The following LRRFIP1 variants were observed in gnomAD, a reference collection of about 807,000 sequenced individuals.
LRRFIP1 encodes LRR binding FLII interacting protein 1.
In LRRFIP1, 62 loss-of-function variants were observed where a neutral mutation model predicts 104.4. That is an observed-to-expected ratio of 0.59 (90% CI 0.48 to 0.73). The LOEUF is 0.73. Ranked by LOEUF, LRRFIP1 falls within the 30% of genes least tolerant of loss-of-function variation. The pLI is 0.00. For missense variants in LRRFIP1, 796 were observed against 824.5 expected (o/e 0.97, Z 0.42); for synonymous variants, 300 against 299.0 (o/e 1.00, Z -0.03).
Position 237,781,094 on chromosome 2 carries a change from C to G in LRRFIP1, c.*1562C>G, listed in dbSNP as rs1438014445. ...CCTCAGGGACCCTGTGCTGACCATG[C>G]TGGGCCCACCGGCAAAAGGGAGATA... On this transcript the variant is annotated 3_prime_UTR_variant, in exon 24 of 24. Transcript: ENST00000308482. Among the ~76,000 whole-genome samples the G allele has an allele frequency of 1.3e-5, 2 of 152,096 alleles. No individual in the cohort carries two copies. The highest frequency in any genetic ancestry group is 4.8e-5 in the African/African-American group (2 of 41,322).
At chr2:237,706,881 C>T (rs758185996) in intron 1 of LRRFIP1, among the ~76,000 whole-genome samples, 12 of 152,202 alleles carry the variant, frequency 7.9e-5, no homozygotes, top group Non-Finnish European at 1.0e-4. Context: ...TACCTGCCAC[C>T]GCCTTCCAAA....
At chr2:237,637,860 T>G (rs544214501) in intron 1 of LRRFIP1, among the ~76,000 whole-genome samples, 1 of 152,204 alleles carries the variant, frequency 6.6e-6, no homozygotes, top group Non-Finnish European at 1.5e-5. Context: ...TCATTTTTAT[T>G]TTTCACTTTC....
chr2:237,702,654 CCTT>C (rs1477055520), intron 1 of LRRFIP1, among the ~76,000 whole-genome samples: 1 of 152,176 alleles, frequency 6.6e-6, no homozygotes, highest in Non-Finnish European at 1.5e-5. Flanking sequence ...CCATTTCCTT[CCTT>C]CTTTTCTTTC....
rs192850629 is a variant in LRRFIP1, at chr2:237,757,463, G to C, written c.1139G>C (p.Arg380Pro). 15 of 1,588,090 alleles carry C rather than the reference G, an allele frequency of 9.4e-6. No homozygotes were observed. The African/African-American group carries it at 1.1e-4, about 11-fold the overall frequency. Residue 380 changes from arginine (R) to proline (P), a missense_variant, in exon 17 of 24, where the codon CGA (arginine) becomes CCA (proline). Transcript: ENST00000308482. ...GTCTGTTCCTTTCCTCAGGAAATCCGACAGCTACAGCAGAAACAGGCGAGT... is the reference window on the plus strand; with the variant it reads ...GTCTGTTCCTTTCCTCAGGAAATCCCACAGCTACAGCAGAAACAGGCGAGT... ...KQREEMLEEI[R>P]QLQQKQASSI...
intron 8 of LRRFIP1, among the ~76,000 whole-genome samples, chr2:237,732,823 T>A (rs2095070291): frequency 6.6e-6 from 1 of 152,222 alleles, no homozygotes; most frequent in Non-Finnish European, 1.5e-5. Flanking sequence ...CTAATCTGCC[T>A]CCTTGGTCCC....
chr2:237,659,255 G>A (rs997662459), intron 1 of LRRFIP1, among the ~76,000 whole-genome samples: 1 of 151,718 alleles, frequency 6.6e-6, no homozygotes, highest in South Asian at 2.1e-4. Flanking sequence ...CACTACACTC[G>A]GCAAATTTTT....
intron 18 of LRRFIP1, 63 bp downstream of exon 18, chr2:237,758,884 A>G: frequency 1.7e-6 from 2 of 1,168,188 alleles, no homozygotes; most frequent in Non-Finnish European, 2.5e-6. Context: ...GACAACAGCA[A>G]ATTTTGGGAT....
chr2:237,764,988 G>A (rs113468735), intron 19 of LRRFIP1: 159 of 984,704 alleles, frequency 1.6e-4, no homozygotes, highest in Middle Eastern at 1.0e-3. Context: ...TTGGCCGGGC[G>A]TGGTGGCTCA....
At chr2:237,678,506 AT>A (rs139560737) in intron 1 of LRRFIP1, among the ~76,000 whole-genome samples, 10 of 150,514 alleles carry the variant, frequency 6.6e-5, no homozygotes, top group African/African-American at 2.0e-4. Context: ...TCCTGAAACT[AT>A]TTTTTTTTCT....
At chr2:237,644,088 T>G (rs2084478796) in intron 1 of LRRFIP1, among the ~76,000 whole-genome samples, 2 of 152,270 alleles carry the variant, frequency 1.3e-5, no homozygotes, top group Admixed American at 1.3e-4. Context: ...TCCTGCCTTG[T>G]GTTTCTCCGT....
rs1384236675 is a variant in LRRFIP1, at chr2:237,735,015, T to A, written c.490-253T>A. Among the ~76,000 whole-genome samples, 1 of 152,162 alleles carries A rather than the reference T, an allele frequency of 6.6e-6. No homozygotes were observed. The highest frequency in any genetic ancestry group is 2.1e-4 in the South Asian group (1 of 4,830). On this transcript the variant is annotated intron_variant, in intron 9 of 23. Coordinates refer to ENST00000308482, the MANE Select transcript of LRRFIP1 (RefSeq NM_001137550.2). The surrounding 1 kb of genome is among the most constrained non-coding windows in gnomAD (Gnocchi z 4.6). ...AGGCCTGGGATGTTTTCCAAAGTAA[T>A]AGATTTAAATGGTCTGTTGGAGATT...
chr2:237,641,733 G>C (rs905542842), intron 1 of LRRFIP1, among the ~76,000 whole-genome samples: 3 of 151,992 alleles, frequency 2.0e-5, no homozygotes, highest in Non-Finnish European at 2.9e-5. Context: ...CCAATAGCTT[G>C]TTTTTTTAAA....
intron 1 of LRRFIP1, among the ~76,000 whole-genome samples, chr2:237,651,167 C>T (rs1325025465): frequency 1.3e-5 from 2 of 152,204 alleles, no homozygotes; most frequent in Non-Finnish European, 2.9e-5. Flanking sequence ...AACACCTATA[C>T]ATCTGTCACC....
intron 1 of LRRFIP1, among the ~76,000 whole-genome samples, chr2:237,665,972 A>T (rs574703891): frequency 6.6e-6 from 1 of 152,370 alleles, no homozygotes; most frequent in East Asian, 1.9e-4. Flanking sequence ...CAAAGCACCC[A>T]GGAGCTCACG....
At chr2:237,724,566 G>A (rs1023400489) in intron 7 of LRRFIP1, among the ~76,000 whole-genome samples, 7 of 152,234 alleles carry the variant, frequency 4.6e-5, no homozygotes, top group South Asian at 4.2e-4. Flanking sequence ...TTCAGAAAGC[G>A]CTCTTCACAG....
At position 237,757,837 on chromosome 2, in the gene LRRFIP1, C is replaced by T. The variant is rs540897400; in HGVS notation, c.1224+289C>T. 1.2e-4 allele frequency among the ~76,000 whole-genome samples: 19 copies of T among 152,068 alleles called. No individual in the cohort carries two copies. The South Asian group carries it at 4.0e-3, about 32-fold the overall frequency. On this transcript the variant is annotated intron_variant, in intron 17 of 23. Transcript: ENST00000308482. Reference sequence around the variant, plus strand: ...TGGGCCGGGCCGGTGGTTGTTGAAACAGCTGGAGTGAGGAGGACACTCTGA... The same window carrying T: ...TGGGCCGGGCCGGTGGTTGTTGAAATAGCTGGAGTGAGGAGGACACTCTGA...
At chr2:237,687,808 C>G (rs1465226808) in intron 1 of LRRFIP1, among the ~76,000 whole-genome samples, 1 of 152,156 alleles carries the variant, frequency 6.6e-6, no homozygotes, top group Non-Finnish European at 1.5e-5. Context: ...AGGCTGAGAG[C>G]CACTGTGTCC....
chr2:237,697,530 G>A (rs150182654), intron 1 of LRRFIP1, among the ~76,000 whole-genome samples: 7 of 152,296 alleles, frequency 4.6e-5, no homozygotes, highest in African/African-American at 1.7e-4. Context: ...AGTTCATGGA[G>A]GATAAACATG....
chr2:237,638,367 A>G (rs961580533), intron 1 of LRRFIP1, among the ~76,000 whole-genome samples: 4 of 152,174 alleles, frequency 2.6e-5, no homozygotes, highest in Non-Finnish European at 4.4e-5. Context: ...GTGGAGCTCA[A>G]GTGGGAATGC....
Sources: allele counts gnomAD v4.1 joint callset (sites outside exome capture counted in the v4.1 genomes callset), GRCh38; gene constraint gnomAD v4.1.1; non-coding constraint Gnocchi (gnomAD v3.1); transcripts MANE v1.5; gene names NCBI Gene and HGNC (gene_info 2026-07-23, HGNC 2026-07-21).